Variants in MACROD2 observed in about 807,000 individuals in gnomAD.
The protein encoded by MACROD2 is mono-ADP ribosylhydrolase 2.
A neutral mutation model predicts 70.4 loss-of-function variants in MACROD2; 36 were observed. The ratio of observed to expected loss-of-function variants is 0.51; its 90% CI spans 0.39 to 0.68. MACROD2 has a LOEUF of 0.68. Among genes scored for constraint, MACROD2 ranks in the 30% least tolerant of loss-of-function variants. MACROD2 has a pLI of 0.00. For synonymous variants in MACROD2, 172 were observed against 178.8 expected (o/e 0.96, Z 0.30); for missense variants, 496 against 538.4 (o/e 0.92, Z 0.78).
intron 3 of MACROD2, among the ~76,000 whole-genome samples, chr20:14,099,704 G>C (rs1431724440): frequency 1.3e-5 from 2 of 152,092 alleles, no homozygotes; most frequent in Non-Finnish European, 2.9e-5. Flanking sequence ...CTATATCTGG[G>C]ATATTAACTG....
intron 3 of MACROD2, among the ~76,000 whole-genome samples, chr20:14,114,536 G>A (rs2054491941): frequency 6.6e-6 from 1 of 152,114 alleles, no homozygotes; most frequent in African/African-American, 2.4e-5. Flanking sequence ...CTGAGAGGGT[G>A]ATAGGGATGA....
chr20:15,073,214 A>G (rs2123111729), intron 5 of MACROD2, among the ~76,000 whole-genome samples: 1 of 152,282 alleles, frequency 6.6e-6, no homozygotes, highest in Non-Finnish European at 1.5e-5. Flanking sequence ...GATAATAAAG[A>G]CAAGCTTAAA....
chr20:14,963,371 C>A (rs1442305499), intron 5 of MACROD2, among the ~76,000 whole-genome samples: 1 of 152,066 alleles, frequency 6.6e-6, no homozygotes, highest in Non-Finnish European at 1.5e-5. Context: ...GGGAAGGAGA[C>A]CTGGGAGGGT....
At chr20:15,147,700 T>G (rs989048325) in intron 5 of MACROD2, among the ~76,000 whole-genome samples, 2 of 152,156 alleles carry the variant, frequency 1.3e-5, no homozygotes, top group African/African-American at 4.8e-5. Flanking sequence ...CACTTTCATG[T>G]GCGTCCGTGT....
At chr20:15,132,628 A>T (rs1049959553) in intron 5 of MACROD2, among the ~76,000 whole-genome samples, 4 of 151,886 alleles carry the variant, frequency 2.6e-5, no homozygotes, top group Admixed American at 6.6e-5. Flanking sequence ...CCAATCACTT[A>T]AAAAAAACTT....
At chr20:14,084,539 T>C (rs543394611) in intron 2 of MACROD2, among the ~76,000 whole-genome samples, 3 of 152,120 alleles carry the variant, frequency 2.0e-5, no homozygotes, top group Non-Finnish European at 4.4e-5. Flanking sequence ...ACATTTATTT[T>C]GCACAGCTTT....
At chr20:15,930,106 C>T (rs953757386) in intron 10 of MACROD2, among the ~76,000 whole-genome samples, 1 of 152,176 alleles carries the variant, frequency 6.6e-6, no homozygotes, top group African/African-American at 2.4e-5. Flanking sequence ...ACAAAATAGC[C>T]TCGCACTTCC....
At chr20:15,980,751 T>C (rs987181775) in intron 13 of MACROD2, among the ~76,000 whole-genome samples, 1 of 152,232 alleles carries the variant, frequency 6.6e-6, no homozygotes, top group African/African-American at 2.4e-5. Flanking sequence ...GTTAAATTTC[T>C]TATAGACTTC....
At chr20:16,044,697 C>A in intron 17 of MACROD2, 58 bp downstream of exon 17, 1 of 1,472,852 alleles carries the variant, frequency 6.8e-7, no homozygotes, top group Non-Finnish European at 9.5e-7. Flanking sequence ...GAACTATTTG[C>A]AAATGACATA....
intron 8 of MACROD2, among the ~76,000 whole-genome samples, chr20:15,571,778 T>C (rs2048379021): frequency 6.6e-6 from 1 of 152,140 alleles, no homozygotes; most frequent in Non-Finnish European, 1.5e-5. Context: ...AGAGAACTAA[T>C]CTGCAAGGAT....
chr20:14,724,093 A>G (rs1371161514), intron 5 of MACROD2, among the ~76,000 whole-genome samples: 2 of 152,140 alleles, frequency 1.3e-5, no homozygotes, highest in Non-Finnish European at 2.9e-5. Flanking sequence ...ATGTTTTGTA[A>G]CATTCAATTT....
intron 8 of MACROD2, among the ~76,000 whole-genome samples, chr20:15,655,596 C>T (rs1213053347): frequency 2.0e-5 from 3 of 152,054 alleles, no homozygotes; most frequent in Non-Finnish European, 2.9e-5. Context: ...TGTAACATTA[C>T]GCCACCTACC....
chr20:15,532,229 C>G (rs979329082), intron 8 of MACROD2, among the ~76,000 whole-genome samples: 2 of 151,844 alleles, frequency 1.3e-5, no homozygotes, highest in Non-Finnish European at 2.9e-5. Context: ...TAAATGTGTC[C>G]TAAATATTGC....
intron 4 of MACROD2, among the ~76,000 whole-genome samples, chr20:14,655,799 T>C (rs768177263): frequency 2.0e-5 from 3 of 152,348 alleles, no homozygotes; most frequent in Non-Finnish European, 4.4e-5. Context: ...GACCTACTTT[T>C]ACTCAAAATT....
At chr20:15,460,974 CT>C (rs1323840822) in intron 7 of MACROD2, among the ~76,000 whole-genome samples, 74 of 81,330 alleles carry the variant, frequency 9.1e-4, no homozygotes, top group Admixed American at 2.2e-3. Context: ...ATCTCTCTCT[CT>C]CCATATATAT....
intron 5 of MACROD2, among the ~76,000 whole-genome samples, chr20:14,856,647 C>A (rs2073258293): frequency 6.6e-6 from 1 of 152,036 alleles, no homozygotes; most frequent in Non-Finnish European, 1.5e-5. Flanking sequence ...CATGAATAAC[C>A]CAGGGGTGGT....
rs569897505 is a variant in MACROD2, at chr20:14,924,034, T to C, written c.418+239075T>C. Among the ~76,000 whole-genome samples the C allele has an allele frequency of 3.9e-5, 6 of 152,314 alleles. No homozygotes were observed. In the South Asian group the frequency reaches 1.0e-3, roughly 26 times the overall value. ...AAATTATCTTATAGATTGTATCTAT[T>C]TTCAGCTGTTATAAAAGTGTTTTAA... On this transcript the variant is annotated intron_variant, in intron 5 of 17. Coordinates refer to ENST00000684519, the MANE Select transcript of MACROD2 (RefSeq NM_001351661.2).
intron 8 of MACROD2, among the ~76,000 whole-genome samples, chr20:15,616,775 G>A (rs905950469): frequency 2.6e-5 from 4 of 152,146 alleles, no homozygotes; most frequent in Admixed American, 6.5e-5. Flanking sequence ...GGCCCATATG[G>A]TATTCTGGGC....
At chr20:14,800,957 T>A (rs915540932) in intron 5 of MACROD2, among the ~76,000 whole-genome samples, 1 of 152,124 alleles carries the variant, frequency 6.6e-6, no homozygotes. Context: ...ATGGTTACAG[T>A]CCTCCATTTC....
Sources: allele counts gnomAD v4.1 joint callset (sites outside exome capture counted in the v4.1 genomes callset), GRCh38; gene constraint gnomAD v4.1.1; transcripts MANE v1.5; gene names NCBI Gene and HGNC (gene_info 2026-07-23, HGNC 2026-07-21).